SCNN1A: variants seen among roughly 807,000 people sequenced by gnomAD.
SCNN1A encodes the protein sodium channel epithelial 1 subunit alpha, also known as epithelial sodium channel subunit alpha.
In SCNN1A, 65 loss-of-function variants were observed where a neutral mutation model predicts 68.6. The ratio of observed to expected loss-of-function variants is 0.95; its 90% CI spans 0.78 to 1.16. SCNN1A has a LOEUF of 1.16. Among genes scored for constraint, SCNN1A ranks in the 50% most tolerant of loss-of-function variants. SCNN1A has a pLI of 0.00. For missense variants in SCNN1A, 880 were observed against 865.9 expected (o/e 1.02, Z -0.20); for synonymous variants, 357 against 353.3 (o/e 1.01, Z -0.12).
intron 1 of SCNN1A, chr12:6,375,290 C>A: frequency 1.4e-6 from 2 of 1,438,842 alleles, no homozygotes; most frequent in Non-Finnish European, 1.8e-6. Flanking sequence ...GCCTCTCTTC[C>A]TCTCCCCCCC....
chr12:6,359,616 C>A (rs1282692453), intron 4 of SCNN1A, among the ~76,000 whole-genome samples: 5 of 152,038 alleles, frequency 3.3e-5, no homozygotes, highest in Admixed American at 6.6e-5. Context: ...CTCTCTCTTG[C>A]CCCCTCTCCT....
intron 11 of SCNN1A, 53 bp downstream of exon 11, chr12:6,348,897 A>G: frequency 1.2e-6 from 2 of 1,607,808 alleles, no homozygotes; most frequent in Non-Finnish European, 1.7e-6. Context: ...TCTTAGGTCT[A>G]TTTTCCCTCC....
At chr12:6,375,100 G>T in intron 1 of SCNN1A, 1 of 1,509,662 alleles carries the variant, frequency 6.6e-7, no homozygotes, top group Non-Finnish European at 8.8e-7. Context: ...TCCCTGATAG[G>T]GCCACCTTTC....
At chr12:6,366,756 C>T (rs1166991284) in intron 2 of SCNN1A, among the ~76,000 whole-genome samples, 5 of 151,176 alleles carry the variant, frequency 3.3e-5, no homozygotes, top group African/African-American at 7.3e-5. Context: ...GCCAAGATCT[C>T]GCCATTGCAC....
rs762899862 is a variant in SCNN1A, at chr12:6,374,754, G to A, written c.30C>T (p.Asp10=). Residue 10 remains aspartate, a synonymous_variant, in exon 2 of 13, where the codon GAC becomes GAT. Coordinates refer to ENST00000228916, the MANE Select transcript of SCNN1A (RefSeq NM_001038.6). This position sits in a 1 kb window ranked among gnomAD's most constrained non-coding sequence, Gnocchi z 6.2. ...CTGGAGTGGACTGTGGAGGGCTAGA[G>A]TCCTGCTCCTCCAGCTTGTTCCCCT... MEGNKLEEQ[D]SSPPQSTPGL... The A allele has an allele frequency of 1.2e-6, 2 of 1,614,068 alleles. No homozygotes were observed. The highest frequency in any genetic ancestry group is 1.6e-4 in the Middle Eastern group (1 of 6,062).
intron 8 of SCNN1A, among the ~76,000 whole-genome samples, chr12:6,352,863 G>A (rs1948411282): frequency 6.6e-6 from 1 of 152,258 alleles, no homozygotes; most frequent in African/African-American, 2.4e-5. Flanking sequence ...GCTGAACTCT[G>A]GGGTGAGACA....
chr12:6,375,673 G>C, upstream of SCNN1A: 1 of 1,466,550 alleles, frequency 6.8e-7, no homozygotes, highest in Non-Finnish European at 9.0e-7. Context: ...CCGAGGGCAG[G>C]TGAACTGGGA....
chr12:6,348,477 G>A (rs1948304219), intron 12 of SCNN1A, among the ~76,000 whole-genome samples: 1 of 148,554 alleles, frequency 6.7e-6, no homozygotes. Context: ...TGAAATGGGG[G>A]CATGGGTCAA....
At chr12:6,349,443 C>T (rs767547158) in intron 8 of SCNN1A, 38 bp from the exon 9 acceptor site, 8 of 1,453,472 alleles carry the variant, frequency 5.5e-6, no homozygotes, top group Non-Finnish European at 7.6e-6. Flanking sequence ...CCTAGGGCAC[C>T]TCAGCTTTCT....
chr12:6,350,324 C>T (rs946560835), intron 8 of SCNN1A, among the ~76,000 whole-genome samples: 4 of 149,826 alleles, frequency 2.7e-5, no homozygotes, highest in Admixed American at 2.0e-4. Context: ...CCCAGCTACT[C>T]GGGAGGCTGA....
rs1455688517 is a variant in SCNN1A at position 6,374,397 on chromosome 12, T to C, written c.387A>G (p.Ala129=). 1 of 1,614,208 alleles carries C rather than the reference T, an allele frequency of 6.2e-7. No individual in the cohort carries two copies. The highest frequency in any genetic ancestry group is 8.5e-7 in the Non-Finnish European group (1 of 1,180,036). Residue 129 remains alanine, a synonymous_variant, in exon 2 of 13, where the codon GCA becomes GCG. Transcript: ENST00000228916. This position sits in a 1 kb window ranked among gnomAD's most constrained non-coding sequence, Gnocchi z 6.2. ...NLNSDKLVFP[A]VTICTLNPYR... ...AGGGATTGAGGGTGCAGATGGTCAC[T>C]GCGGGGAAGACGAGCTTGTCCGAGT...
At chr12:6,362,344 G>T (rs1046987979) in intron 3 of SCNN1A, 103 bp from the exon 4 acceptor site, 2 of 1,046,148 alleles carry the variant, frequency 1.9e-6, no homozygotes, top group Non-Finnish European at 3.0e-6. Flanking sequence ...GAGGACTGAC[G>T]GACAGGAGTC....
intron 6 of SCNN1A, 139 bp from the exon 7 acceptor site, chr12:6,354,987 C>T (rs1207022955): frequency 2.5e-6 from 2 of 799,026 alleles, no homozygotes. Context: ...TGCTTCCAGC[C>T]ACCCCCATGC....
rs1300459237 is a variant in SCNN1A at position 6,348,218 on chromosome 12, C to A, written c.1665G>T (p.Trp555Cys). The A allele has an allele frequency of 6.2e-7, 1 of 1,614,106 alleles. No homozygotes were observed. Among genetic ancestry groups the A allele is most frequent in the Non-Finnish European group, 8.5e-7 (1 of 1,180,018 alleles). The stretch of plus-strand genomic sequence containing the variant: ...ACACCGAGGAGCCGAACCACAGGCT[C>A]CACTGGCTGCCCAGGTTGGACAGGA... ...VTLLSNLGSQ[W>C]SLWFGSSVLS... The change falls in exon 13 of 13, where the codon TGG (tryptophan) becomes TGT (cysteine). Residue 555 changes from tryptophan (W) to cysteine (C), a missense_variant. Trp to Cys is a radical substitution (Grantham distance 215). Coordinates refer to ENST00000228916, the MANE Select transcript of SCNN1A (RefSeq NM_001038.6).
chr12:6,361,996 T>C (rs1319090470), intron 4 of SCNN1A, 55 bp downstream of exon 4: 23 of 1,583,646 alleles, frequency 1.5e-5, no homozygotes, highest in Non-Finnish European at 1.9e-5. Context: ...GGCGTGAGGC[T>C]GACCCAGGGA....
In SCNN1A at chr12:6,363,580, TC is replaced by T. The variant is rs775723647; in HGVS notation, c.546del (p.Thr183LeufsTer9). On this transcript the variant is annotated frameshift_variant, in exon 3 of 13. Coordinates refer to ENST00000228916, the MANE Select transcript of SCNN1A (RefSeq NM_001038.6). LOFTEE classifies it high-confidence loss of function. ...AGGCGCTGCAAGGGGTGCGGCAGAG[TC>T]CCCCGCAGGTCGCGACGGCTGCGGG... ...AGSRSRRDLR[G>X]TLPHPLQRLR... 1 of 1,610,540 alleles carries T rather than the reference TC, an allele frequency of 6.2e-7. No homozygotes were observed. Among genetic ancestry groups the T allele is most frequent in the Admixed American group, 1.7e-5 (1 of 59,710 alleles).
In SCNN1A at chr12:6,362,214, A is replaced by G. The variant is rs760847083; in HGVS notation, c.712T>C (p.Tyr238His). Reference sequence around the variant, plus strand: ...TCCACCCCTGATGAGTATGTCTGGTAGAAGCAGTCCGATTTGTTCTGGTTG... The same window carrying G: ...TCCACCCCTGATGAGTATGTCTGGTGGAAGCAGTCCGATTTGTTCTGGTTG... The part of the protein sequence containing the change: ...LCNQNKSDCF[Y>H]QTYSSGVDAV... Residue 238 changes from tyrosine to histidine, a missense_variant, in exon 4 of 13, where the codon TAC becomes CAC. By Grantham distance (83) the Tyr-to-His change is moderately conservative. Around this residue, in one of 3 missense-constraint regions of SCNN1A, gnomAD observed 758 missense variants for 721.8 expected, o/e 1.05. Coordinates refer to ENST00000228916, the MANE Select transcript of SCNN1A (RefSeq NM_001038.6). 4 of 1,614,110 alleles carry G rather than the reference A, an allele frequency of 2.5e-6. No homozygotes were observed. In the African/African-American group the frequency reaches 5.3e-5, roughly 22 times the overall value.
chr12:6,349,278 C>T (rs781285684), intron 9 of SCNN1A, 49 bp downstream of exon 9: 13 of 1,613,062 alleles, frequency 8.1e-6, no homozygotes, highest in South Asian at 4.4e-5. Context: ...ATGCTTGGCT[C>T]GGTAACCTGT....
At chr12:6,358,812 A>AT (rs1435726388) in intron 4 of SCNN1A, among the ~76,000 whole-genome samples, 1 of 143,056 alleles carries the variant, frequency 7.0e-6, no homozygotes, top group Non-Finnish European at 1.5e-5. Flanking sequence ...GTGAGGTCTG[A>AT]TTGTGCCACT....
Sources: gnomAD v4.1 joint callset for allele counts (sites outside exome capture counted in the v4.1 genomes callset) on GRCh38, gnomAD v4.1.1 for gene constraint, gnomAD v4.1.1 regional missense constraint, Gnocchi (gnomAD v3.1) non-coding constraint, MANE v1.5 for transcripts, NCBI Gene and HGNC (gene_info 2026-07-23, HGNC 2026-07-21) for gene names.